TRA2B: variants seen among roughly 807,000 people sequenced by gnomAD.
TRA2B encodes transformer 2 beta homolog, also known as transformer-2 protein homolog beta.
In TRA2B, 14 loss-of-function variants were observed where a neutral mutation model predicts 41.7. The ratio of observed to expected loss-of-function variants is 0.34; its 90% confidence interval spans 0.22 to 0.53. TRA2B has a LOEUF of 0.53. Among genes scored for constraint, TRA2B ranks in the 20% least tolerant of loss-of-function variants. TRA2B has a pLI of 0.95. For synonymous variants in TRA2B, 130 were observed against 128.8 expected (o/e 1.01, Z -0.06); for missense variants, 167 against 396.8 (o/e 0.42, Z 4.92).
intron 6 of TRA2B, among the ~76,000 whole-genome samples, 162 bp downstream of exon 6, chr3:185,920,942 A>AT (rs768588274): frequency 7.3e-6 from 1 of 136,122 alleles, no homozygotes; most frequent in Non-Finnish European, 1.6e-5. Context: ...CATTAAATTG[A>AT]TTAAGACACA....
Position 185,916,523 on chromosome 3 carries a change from G to A in TRA2B, c.*1192C>T, listed in dbSNP as rs1228078138. ...CATGTATTAAAGTACCCGCAGTCTAGTTATTTACTGTAACTCCATCCCCAA... is the reference window on the plus strand; with the variant it reads ...CATGTATTAAAGTACCCGCAGTCTAATTATTTACTGTAACTCCATCCCCAA... On this transcript the variant is annotated 3_prime_UTR_variant, in exon 9 of 9. Coordinates refer to ENST00000453386, the MANE Select transcript of TRA2B (RefSeq NM_004593.3). 6.6e-6 allele frequency: 1 copy of A among 152,148 alleles called. No homozygotes were observed. Among genetic ancestry groups the A allele is most frequent in the Non-Finnish European group, 1.5e-5 (1 of 68,034 alleles). The allele number at this position is 152,148 out of a possible 1,614,324, so 9.4% of individuals were successfully genotyped here. A position where few individuals can be genotyped will look rare whatever the true frequency, so the allele number is the denominator to read the frequency against.
Position 185,937,973 on chromosome 3 carries a change from G to C in TRA2B, c.-113C>G, listed in dbSNP as rs748030306. 1 of 1,309,010 alleles carries C rather than the reference G, an allele frequency of 7.6e-7. No individual in the cohort carries two copies. The highest frequency in any genetic ancestry group is 1.1e-6 in the Non-Finnish European group (1 of 930,508). The allele number at this position is 1,309,010 out of a possible 1,614,324, so 81.1% of individuals were successfully genotyped here. A position where few individuals can be genotyped will look rare whatever the true frequency, so the allele number is the denominator to read the frequency against. On this transcript the variant is annotated 5_prime_UTR_variant, in exon 1 of 9. Transcript: ENST00000453386. ...CGCACGACGCGCCGGTCGCCCAGCC[G>C]CTCAGAGCCGAAATGCTCCGCACCG...
intron 1 of TRA2B, among the ~76,000 whole-genome samples, chr3:185,932,441 G>A (rs1375744566): frequency 1.3e-5 from 2 of 152,166 alleles, no homozygotes; most frequent in Admixed American, 1.3e-4. Flanking sequence ...CCCTGGAAAA[G>A]CTGCTCTAGT....
At chr3:185,937,788 G>C in intron 1 of TRA2B, 37 bp downstream of exon 1, 2 of 1,612,122 alleles carry the variant, frequency 1.2e-6, no homozygotes, top group Non-Finnish European at 8.5e-7. Context: ...CAAGGAGCTA[G>C]GACCACACAG....
intron 1 of TRA2B, chr3:185,936,248 A>G (rs2150120402): frequency 3.0e-6 from 3 of 985,440 alleles, no homozygotes; most frequent in Middle Eastern, 5.2e-4. Context: ...TTTGCAGTCC[A>G]AACACCAATG....
At chr3:185,917,816 TAAG>T in intron 8 of TRA2B, 91 bp from the exon 9 acceptor site, 1 of 1,421,896 alleles carries the variant, frequency 7.0e-7, no homozygotes, top group Non-Finnish European at 9.9e-7. Context: ...ATTCTGCCAT[TAAG>T]AAATTCCTAT....
chr3:185,929,435 CCAA>C (rs1744069143), intron 1 of TRA2B, among the ~76,000 whole-genome samples: 1 of 152,118 alleles, frequency 6.6e-6, no homozygotes, highest in Admixed American at 6.6e-5. Flanking sequence ...TAAAACCACA[CCAA>C]CAGACAGAAC....
chr3:185,929,578 A>G (rs981695688), intron 1 of TRA2B, among the ~76,000 whole-genome samples: 2 of 152,186 alleles, frequency 1.3e-5, no homozygotes, highest in Non-Finnish European at 2.9e-5. Context: ...ACATCCTAAT[A>G]CAAAACCTAA....
chr3:185,926,747 G>A lies in TRA2B; in HGVS notation c.37-13C>T, dbSNP rs753377921. 9.9e-6 allele frequency: 16 copies of A among 1,613,386 alleles called. No individual in the cohort carries two copies. Among genetic ancestry groups the A allele is most frequent in the East Asian group, 6.7e-5 (3 of 44,882 alleles). On this transcript the variant is annotated splice_polypyrimidine_tract_variant and intron_variant, in intron 1 of 8. Coordinates refer to ENST00000453386, the MANE Select transcript of TRA2B (RefSeq NM_004593.3). ...CAGAACGGGATTCCTACACGTAGAT[G>A]TTAAAAGTTTAATTTGCACACTTTC...
At chr3:185,929,442 A>G (rs1744069385) in intron 1 of TRA2B, among the ~76,000 whole-genome samples, 1 of 152,146 alleles carries the variant, frequency 6.6e-6, no homozygotes, top group South Asian at 2.1e-4. Context: ...ACACCAACAG[A>G]CAGAACTGGA....
intron 1 of TRA2B, chr3:185,931,499 A>G (rs1274763092): frequency 9.7e-7 from 1 of 1,028,372 alleles, no homozygotes; most frequent in South Asian, 4.4e-5. Context: ...TACCCTGTAT[A>G]TATTTTCCTC....
chr3:185,929,534 A>AT (rs1744071599), intron 1 of TRA2B, among the ~76,000 whole-genome samples: 1 of 152,292 alleles, frequency 6.6e-6, no homozygotes, highest in South Asian at 2.1e-4. Flanking sequence ...ATGCTCAGGA[A>AT]ATCAATCAAG....
intron 5 of TRA2B, 34 bp from the exon 6 acceptor site, chr3:185,921,221 T>C (rs1743722419): frequency 1.3e-6 from 2 of 1,592,556 alleles, no homozygotes; most frequent in South Asian, 2.2e-5. Flanking sequence ...TGACCTCCCT[T>C]ATCTTTCTGG....
At chr3:185,926,850 ATAGGTAAGGG>A in intron 1 of TRA2B, 116 bp from the exon 2 acceptor site, 1 of 1,305,638 alleles carries the variant, frequency 7.7e-7, no homozygotes, top group Non-Finnish European at 1.0e-6. Flanking sequence ...ATAAGAAAAT[ATAGGTAAGGG>A]CAGGAACTGA....
At chr3:185,919,374 G>A in intron 7 of TRA2B, 63 bp downstream of exon 7, 1 of 1,395,586 alleles carries the variant, frequency 7.2e-7, no homozygotes, top group East Asian at 2.4e-5. Context: ...AACATTACTA[G>A]GCAAACATCT....
intron 1 of TRA2B, 87 bp from the exon 2 acceptor site, chr3:185,926,821 A>T (rs777367521): frequency 2.0e-6 from 3 of 1,502,590 alleles, no homozygotes; most frequent in Non-Finnish European, 2.7e-6. Context: ...ATGGTGAGGG[A>T]CAGCAATCCC....
chr3:185,932,643 A>T (rs1744193996), intron 1 of TRA2B, among the ~76,000 whole-genome samples: 1 of 152,236 alleles, frequency 6.6e-6, no homozygotes, highest in South Asian at 2.1e-4. Flanking sequence ...TACTACTTTA[A>T]AAGGTGGCAC....
intron 1 of TRA2B, among the ~76,000 whole-genome samples, chr3:185,932,517 T>G (rs1744188155): frequency 1.3e-5 from 2 of 152,172 alleles, no homozygotes; most frequent in African/African-American, 4.8e-5. Flanking sequence ...TGCCAGTAGC[T>G]ATGAAGGAAA....
chr3:185,921,549 G>T (rs1743734664), intron 5 of TRA2B, among the ~76,000 whole-genome samples: 1 of 152,138 alleles, frequency 6.6e-6, no homozygotes, highest in Non-Finnish European at 1.5e-5. Flanking sequence ...CAGATCATGA[G>T]GTCAGGAGAT....
Sources: allele counts gnomAD v4.1 joint callset (sites outside exome capture counted in the v4.1 genomes callset), GRCh38; gene constraint gnomAD v4.1.1; transcripts MANE v1.5; gene names NCBI Gene and HGNC (gene_info 2026-07-23, HGNC 2026-07-21).